The following SDK1 variants were observed in gnomAD, a reference collection of about 807,000 sequenced individuals.
SDK1 encodes sidekick cell adhesion molecule 1.
SDK1 carries 157 observed loss-of-function variants against 245.5 expected under a neutral mutation model. The observed-to-expected ratio is 0.64, with a 90% CI of 0.56 to 0.73. SDK1 has a LOEUF of 0.73. Among genes scored for constraint, SDK1 ranks in the 30% least tolerant of loss-of-function variants. SDK1 has a pLI of 0.00. For missense variants in SDK1, 3,583 were observed against 3,002.3 expected (o/e 1.19, Z -4.52); for synonymous variants, 1,647 against 1,278.5 (o/e 1.29, Z -6.15).
intron 4 of SDK1, among the ~76,000 whole-genome samples, chr7:3,761,059 C>T (rs183620434): frequency 9.5e-4 from 145 of 152,172 alleles, no homozygotes; most frequent in African/African-American, 3.1e-3. Flanking sequence ...GAGTTAGATA[C>T]GTAGGAGTGG....
intron 1 of SDK1, among the ~76,000 whole-genome samples, chr7:3,508,066 G>C (rs1207167536): frequency 6.6e-6 from 1 of 152,050 alleles, no homozygotes; most frequent in Non-Finnish European, 1.5e-5. Flanking sequence ...TCTGGCTTCT[G>C]TTTCTCTGAC....
chr7:3,453,125 G>T (rs1009402546), intron 1 of SDK1, among the ~76,000 whole-genome samples: 1 of 151,898 alleles, frequency 6.6e-6, no homozygotes, highest in Non-Finnish European at 1.5e-5. Flanking sequence ...ACTTTGAGCA[G>T]TTTAACCCCC....
chr7:3,573,101 A>C (rs1019724997), intron 1 of SDK1, among the ~76,000 whole-genome samples: 1 of 152,032 alleles, frequency 6.6e-6, no homozygotes, highest in African/African-American at 2.4e-5. Flanking sequence ...TTGCTATGAA[A>C]ATGTCTGGGC....
At chr7:4,101,281 A>G (rs1782521453) in intron 22 of SDK1, among the ~76,000 whole-genome samples, 2 of 151,750 alleles carry the variant, frequency 1.3e-5, no homozygotes, top group Admixed American at 1.3e-4. Context: ...AGCTGGGACT[A>G]CAGGTGCCCG....
At position 4,049,376 on chromosome 7, in the gene SDK1, G is replaced by A; in HGVS notation, c.2631G>A (p.Gln877=). 6.2e-7 allele frequency: 1 copy of A among 1,614,140 alleles called. No individual in the cohort carries two copies. ...GVPTAPPQNV[Q]TEAVNSTTIQ... ...CCACCGCGCCCCCGCAGAACGTGCA[G>A]ACGGAAGCCGTGAACTCCACCACCA... is the stretch of plus-strand genomic sequence containing the variant. The change falls in exon 18 of 45, where the codon CAG becomes CAA. Residue 877 remains glutamine (Q), a synonymous_variant. Transcript: ENST00000404826.
intron 23 of SDK1, 104 bp downstream of exon 23, chr7:4,110,876 A>T (rs1783295953): frequency 1.3e-6 from 1 of 772,872 alleles, no homozygotes; most frequent in Admixed American, 2.0e-5. Context: ...TGCAAATCAG[A>T]TGTTTCCTAG....
intron 1 of SDK1, among the ~76,000 whole-genome samples, chr7:3,349,411 G>C (rs1736898937): frequency 6.6e-6 from 1 of 152,106 alleles, no homozygotes. Flanking sequence ...TGGGGAGGGA[G>C]GGGGTTACTG....
intron 1 of SDK1, among the ~76,000 whole-genome samples, chr7:3,387,822 C>T (rs921957188): frequency 6.6e-6 from 1 of 152,138 alleles, no homozygotes; most frequent in Non-Finnish European, 1.5e-5. Context: ...CATGTCAGTA[C>T]CATTTTGAAC....
chr7:4,197,851 T>TG (rs1472787152), intron 35 of SDK1, among the ~76,000 whole-genome samples: 9 of 152,182 alleles, frequency 5.9e-5, no homozygotes, highest in African/African-American at 2.2e-4. Flanking sequence ...CTGCTTGCGG[T>TG]GGTCTCCTTT....
intron 1 of SDK1, among the ~76,000 whole-genome samples, chr7:3,594,371 G>A (rs1018096863): frequency 6.6e-6 from 1 of 152,150 alleles, no homozygotes; most frequent in African/African-American, 2.4e-5. Flanking sequence ...CATTTGGATT[G>A]TTTCTGCTTT....
intron 4 of SDK1, among the ~76,000 whole-genome samples, chr7:3,787,186 A>G (rs532660498): frequency 6.8e-6 from 1 of 147,300 alleles, no homozygotes; most frequent in Non-Finnish European, 1.5e-5. Context: ...ACACACACAC[A>G]CTCCCATACA....
At chr7:3,835,301 T>C (rs1738946440) in intron 5 of SDK1, among the ~76,000 whole-genome samples, 1 of 152,226 alleles carries the variant, frequency 6.6e-6, no homozygotes, top group Non-Finnish European at 1.5e-5. Flanking sequence ...ATGTTTCTTC[T>C]GTTTTATGAC....
In SDK1 at chr7:4,220,139, G is replaced by C. The variant is rs1221529572; in HGVS notation, c.5570G>C (p.Arg1857Thr). The C allele has an allele frequency of 6.2e-7, 1 of 1,613,986 alleles. No homozygotes were observed. Among genetic ancestry groups the C allele is most frequent in the East Asian group, 2.2e-5 (1 of 44,882 alleles). The part of the protein sequence containing the change: ...GVSKVVTVEV[R>T]GNWQRWLKVR... ...AGCAAGGTGGTGACCGTGGAAGTGA[G>C]AGGGAACTGGCAGCGCTGGCTGAAG... is the stretch of plus-strand genomic sequence containing the variant. The change falls in exon 39 of 45, where the codon AGA (arginine) becomes ACA (threonine). Residue 1857 changes from arginine (R) to threonine (T), a missense_variant. By Grantham distance (71) the Arg-to-Thr change is moderately conservative (BLOSUM62 -1). Coordinates refer to ENST00000404826, the MANE Select transcript of SDK1 (RefSeq NM_152744.4).
In SDK1 at chr7:3,650,290, C is replaced by G. The variant is rs574115163; in HGVS notation, c.713+8185C>G. ...CATTCACAGTGTTGTGCAATCATCA[C>G]CATCATCCATCTTCAGCACATCTTT... On this transcript the variant is annotated intron_variant, in intron 4 of 44. Coordinates refer to ENST00000404826, the MANE Select transcript of SDK1 (RefSeq NM_152744.4). Among the ~76,000 whole-genome samples, 90 of 152,240 alleles carry G rather than the reference C, an allele frequency of 5.9e-4. 1 individual carries two copies. Among genetic ancestry groups the G allele is most frequent in the Middle Eastern group, 3.4e-3 (1 of 294 alleles).
At chr7:3,436,480 G>A (rs1175694382) in intron 1 of SDK1, among the ~76,000 whole-genome samples, 1 of 152,006 alleles carries the variant, frequency 6.6e-6, no homozygotes, top group Non-Finnish European at 1.5e-5. Context: ...ATGATTTAAT[G>A]TTTGCAAACC....
intron 4 of SDK1, among the ~76,000 whole-genome samples, chr7:3,675,211 C>T (rs1783854055): frequency 6.6e-6 from 1 of 152,170 alleles, no homozygotes; most frequent in South Asian, 2.1e-4. Flanking sequence ...CAGGCCAAAA[C>T]CTTGATCTTT....
In SDK1 at chr7:3,943,301, C is replaced by T. The variant is rs546854309; in HGVS notation, c.848-7622C>T. Among the ~76,000 whole-genome samples the T allele has an allele frequency of 1.3e-4, 20 of 148,644 alleles. No homozygotes were observed. The South Asian group carries it at 3.6e-3, about 26-fold the overall frequency. ...CAGGATGTTCCCTCTGAGCTGTGGC[C>T]GGACTTCCCGCCTTCCCACCAGGCT... On this transcript the variant is annotated intron_variant, in intron 5 of 44. Transcript: ENST00000404826.
At chr7:3,738,192 A>T (rs895695238) in intron 4 of SDK1, among the ~76,000 whole-genome samples, 1 of 152,194 alleles carries the variant, frequency 6.6e-6, no homozygotes, top group East Asian at 1.9e-4. Context: ...TCTTAGGTTT[A>T]AATCTTTGTT....
intron 35 of SDK1, among the ~76,000 whole-genome samples, chr7:4,204,434 A>T (rs994226963): frequency 1.3e-5 from 2 of 152,122 alleles, no homozygotes; most frequent in Admixed American, 6.5e-5. Flanking sequence ...ATAATACGGA[A>T]ACCACACAGT....
Sources: allele counts gnomAD v4.1 joint callset (sites outside exome capture counted in the v4.1 genomes callset), GRCh38; gene constraint gnomAD v4.1.1; transcripts MANE v1.5; gene names NCBI Gene and HGNC (gene_info 2026-07-23, HGNC 2026-07-21).